The following MLLT10 variants were observed in gnomAD, a reference collection of about 807,000 sequenced individuals.
The protein encoded by MLLT10 is MLLT10 histone lysine methyltransferase DOT1L cofactor, also known as protein AF-10.
In MLLT10, 30 loss-of-function variants were observed where a neutral mutation model predicts 129.1. The ratio of observed to expected loss-of-function variants is 0.23; its 90% CI spans 0.17 to 0.32. MLLT10 has a LOEUF of 0.32. Among genes scored for constraint, MLLT10 ranks in the 10% least tolerant of loss-of-function variants. MLLT10 has a pLI of 1.00. For missense variants in MLLT10, 1,119 were observed against 1,268.3 expected, an observed-to-expected ratio of 0.88 and a Z score of 1.79; for synonymous variants, 490 against 446.4, an observed-to-expected ratio of 1.10 and a Z score of -1.23.
At chr10:21,665,202 T>C (rs2050646564) in intron 9 of MLLT10, among the ~76,000 whole-genome samples, 1 of 151,686 alleles carries the variant, frequency 6.6e-6, no homozygotes, top group Admixed American at 6.6e-5. Context: ...TGTGTCGGCC[T>C]CTTAAAGTGT....
intron 2 of MLLT10, among the ~76,000 whole-genome samples, chr10:21,537,539 A>G (rs1224084306): frequency 6.6e-6 from 1 of 152,002 alleles, no homozygotes; most frequent in Non-Finnish European, 1.5e-5. Context: ...ATCTCGGCTC[A>G]GTGAAACCTT....
chr10:21,659,738 T>A lies in MLLT10; in HGVS notation c.795+7970T>A, dbSNP rs1007040425. Among the ~76,000 whole-genome samples the A allele has an allele frequency of 3.3e-5, 5 of 152,068 alleles. No individual in the cohort carries two copies. The East Asian group carries it at 9.6e-4, about 29-fold the overall frequency. ...GTTGGCCAGGCTGGTCTCAAACTCCTGAGCTCAGGTGATCCACCCGCCTTG... is the reference window on the plus strand; with the variant it reads ...GTTGGCCAGGCTGGTCTCAAACTCCAGAGCTCAGGTGATCCACCCGCCTTG... On this transcript the variant is annotated intron_variant, in intron 9 of 22. Coordinates refer to ENST00000307729, the MANE Select transcript of MLLT10 (RefSeq NM_001195626.3).
At chr10:21,573,298 A>C (rs1243143041) in intron 3 of MLLT10, among the ~76,000 whole-genome samples, 1 of 152,204 alleles carries the variant, frequency 6.6e-6, no homozygotes, top group Non-Finnish European at 1.5e-5. Flanking sequence ...TTGCTTTCAA[A>C]TATAGCTTTT....
intron 4 of MLLT10, among the ~76,000 whole-genome samples, chr10:21,593,096 T>C (rs1421945392): frequency 8.7e-6 from 1 of 114,948 alleles, no homozygotes; most frequent in Non-Finnish European, 1.9e-5. Flanking sequence ...ATCCCACCCA[T>C]TGATTTTTTT....
chr10:21,738,903 A>T (rs1564757985), intron 21 of MLLT10, among the ~76,000 whole-genome samples: 1 of 152,144 alleles, frequency 6.6e-6, no homozygotes, highest in East Asian at 1.9e-4. Context: ...CTCTGTGCTG[A>T]TACTTACATC....
intron 2 of MLLT10, among the ~76,000 whole-genome samples, chr10:21,536,921 T>A (rs1291683179): frequency 1.3e-5 from 2 of 151,900 alleles, no homozygotes; most frequent in Non-Finnish European, 2.9e-5. Flanking sequence ...GTAGCTGGGA[T>A]TGCAGGCATG....
intron 21 of MLLT10, among the ~76,000 whole-genome samples, chr10:21,738,735 C>T (rs945605419): frequency 6.6e-5 from 10 of 152,188 alleles, no homozygotes; most frequent in Admixed American, 2.0e-4. Flanking sequence ...CTCCTTGAAA[C>T]ATTTCCTCCT....
intron 5 of MLLT10, among the ~76,000 whole-genome samples, chr10:21,605,439 GTTATT>G (rs1229977901): frequency 6.6e-6 from 1 of 151,960 alleles, no homozygotes; most frequent in African/African-American, 2.4e-5. Context: ...ATTTTTCATT[GTTATT>G]TTATTTTATA....
At chr10:21,699,540 G>C (rs544148486) in intron 13 of MLLT10, among the ~76,000 whole-genome samples, 10 of 152,016 alleles carry the variant, frequency 6.6e-5, no homozygotes, top group African/African-American at 2.2e-4. Context: ...TCCATCTTGG[G>C]TTGACTTTTG....
Position 21,730,990 on chromosome 10 carries a change from G to A in MLLT10, c.2154G>A (p.Gln718=), listed in dbSNP as rs371512046. 6.2e-7 allele frequency: 1 copy of A among 1,614,008 alleles called. No individual in the cohort carries two copies. Among genetic ancestry groups the A allele is most frequent in the African/African-American group, 1.3e-5 (1 of 74,918 alleles). Residue 718 remains glutamine, a synonymous_variant, in exon 17 of 23, where the codon CAG becomes CAA. Coordinates refer to ENST00000307729, the MANE Select transcript of MLLT10 (RefSeq NM_001195626.3). ...CTCCAGTAGCAGCCAGCATAGAACAGCTTTTGGAGAGGCAGTGGAGTGAAG... is the reference window on the plus strand; with the variant it reads ...CTCCAGTAGCAGCCAGCATAGAACAACTTTTGGAGAGGCAGTGGAGTGAAG... The part of the protein sequence containing the change: ...NLPPVAASIE[Q]LLERQWSEGQ...
At chr10:21,637,528 GC>G (rs1047177603) in intron 8 of MLLT10, among the ~76,000 whole-genome samples, 7 of 152,296 alleles carry the variant, frequency 4.6e-5, no homozygotes, top group African/African-American at 1.7e-4. Flanking sequence ...CACCAACTGT[GC>G]TGACAGAGGA....
chr10:21,732,157 TCATGTTAAA>T (rs2058023137), intron 17 of MLLT10, among the ~76,000 whole-genome samples: 1 of 152,088 alleles, frequency 6.6e-6, no homozygotes, highest in Non-Finnish European at 1.5e-5. Context: ...GGCCCTGAGG[TCATGTTAAA>T]CAAATACAAC....
intron 4 of MLLT10, among the ~76,000 whole-genome samples, chr10:21,590,272 G>A (rs528549921): frequency 2.7e-4 from 41 of 151,982 alleles, no homozygotes; most frequent in African/African-American, 7.7e-4. Flanking sequence ...ATTTTGGTGC[G>A]CTCTATTTTT....
chr10:21,575,190 T>G (rs2040608701), intron 3 of MLLT10, among the ~76,000 whole-genome samples: 1 of 150,880 alleles, frequency 6.6e-6, no homozygotes, highest in Non-Finnish European at 1.5e-5. Context: ...TATTTTATTT[T>G]ATTTTATTTT....
intron 3 of MLLT10, among the ~76,000 whole-genome samples, chr10:21,566,450 T>G (rs2039582231): frequency 6.6e-6 from 1 of 151,176 alleles, no homozygotes; most frequent in African/African-American, 2.4e-5. Context: ...TGCCTCAGTC[T>G]CCCGAGTAGA....
intron 11 of MLLT10, among the ~76,000 whole-genome samples, chr10:21,680,668 T>C (rs2052641894): frequency 1.3e-5 from 2 of 152,158 alleles, no homozygotes; most frequent in Non-Finnish European, 2.9e-5. Flanking sequence ...TGGTAAGCTC[T>C]TCCCATCTAA....
chr10:21,698,897 C>T lies in MLLT10; in HGVS notation c.1700-14875C>T, dbSNP rs148997601. On this transcript the variant is annotated intron_variant, in intron 13 of 22. Transcript: ENST00000307729. ...TGTTTTGTTTGGTTTGGTTTTGAGA[C>T]GGAGTCTTGCTCTTTTGCCCAGGCT... Among the ~76,000 whole-genome samples the T allele has an allele frequency of 3.2e-3, 489 of 152,216 alleles. 2 individuals carry two copies. The highest frequency in any genetic ancestry group is 9.8e-3 in the African/African-American group (409 of 41,544).
At chr10:21,546,315 T>A (rs1310889860) in intron 3 of MLLT10, among the ~76,000 whole-genome samples, 1 of 152,122 alleles carries the variant, frequency 6.6e-6, no homozygotes, top group Non-Finnish European at 1.5e-5. Flanking sequence ...TGGGCTCTAG[T>A]AGTCCCTCCT....
chr10:21,579,050 T>C (rs2041094965), intron 3 of MLLT10, among the ~76,000 whole-genome samples: 1 of 152,260 alleles, frequency 6.6e-6, no homozygotes, highest in Non-Finnish European at 1.5e-5. Context: ...TATCTTTTGG[T>C]GATAAATTGT....
Sources: gnomAD v4.1 joint callset for allele counts (sites outside exome capture counted in the v4.1 genomes callset) on GRCh38, gnomAD v4.1.1 for gene constraint, MANE v1.5 for transcripts, NCBI Gene and HGNC (gene_info 2026-07-23, HGNC 2026-07-21) for gene names.